The following SLC8A1 variants were observed in gnomAD, a reference collection of about 807,000 sequenced individuals.
SLC8A1 encodes sodium/calcium exchanger 1.
A neutral mutation model predicts 68.3 loss-of-function variants in SLC8A1; 18 were observed. The observed-to-expected ratio is 0.26, with a 90% confidence interval of 0.18 to 0.39. SLC8A1 has a LOEUF of 0.39. Ranked by LOEUF, SLC8A1 falls within the 10% of genes least tolerant of loss-of-function variation. The pLI is 1.00. For missense variants in SLC8A1, 985 were observed against 1,156.7 expected (o/e 0.85, Z 2.15); for synonymous variants, 475 against 415.5 (o/e 1.14, Z -1.74).
intron 7 of SLC8A1, among the ~76,000 whole-genome samples, chr2:40,123,893 C>A (rs1454431745): frequency 6.6e-6 from 1 of 152,200 alleles, no homozygotes; most frequent in Non-Finnish European, 1.5e-5. Context: ...TAAACACAAT[C>A]TAGGGCTGCC....
chr2:40,284,780 C>T (rs2068047895), intron 2 of SLC8A1, among the ~76,000 whole-genome samples: 1 of 151,826 alleles, frequency 6.6e-6, no homozygotes, highest in African/African-American at 2.4e-5. Context: ...GAAATGTCAT[C>T]CGTGCAAACA....
At chr2:40,342,337 G>C (rs1409207041) in intron 2 of SLC8A1, among the ~76,000 whole-genome samples, 3 of 151,938 alleles carry the variant, frequency 2.0e-5, no homozygotes, top group African/African-American at 7.3e-5. Flanking sequence ...AAATGAATAA[G>C]CTATTTGACA....
chr2:40,496,434 A>T (rs1019394450), intron 1 of SLC8A1, among the ~76,000 whole-genome samples: 4 of 152,108 alleles, frequency 2.6e-5, no homozygotes, highest in African/African-American at 9.7e-5. Flanking sequence ...GATCTGAATA[A>T]TGTTGCTAAA....
At chr2:40,332,263 G>A (rs761908486) in intron 2 of SLC8A1, among the ~76,000 whole-genome samples, 2 of 152,166 alleles carry the variant, frequency 1.3e-5, no homozygotes, top group Non-Finnish European at 2.9e-5. Flanking sequence ...GCAATTGGCT[G>A]TTTAGAAAAT....
At chr2:40,221,450 C>A (rs2058320372) in intron 2 of SLC8A1, among the ~76,000 whole-genome samples, 1 of 152,156 alleles carries the variant, frequency 6.6e-6, no homozygotes, top group Non-Finnish European at 1.5e-5. Flanking sequence ...AACCTGGAAG[C>A]ATTCCCTTTG....
chr2:40,285,742 A>C (rs2068200470), intron 2 of SLC8A1, among the ~76,000 whole-genome samples: 1 of 152,138 alleles, frequency 6.6e-6, no homozygotes, highest in Admixed American at 6.6e-5. Context: ...ATTTCTCTTC[A>C]CTAGTCATTC....
At chr2:40,131,349 C>T (rs956520404) in intron 7 of SLC8A1, among the ~76,000 whole-genome samples, 7 of 152,150 alleles carry the variant, frequency 4.6e-5, no homozygotes, top group African/African-American at 9.7e-5. Context: ...AACTGTCAAT[C>T]TATCTGTGAG....
chr2:40,194,937 A>T (rs2052674315), intron 2 of SLC8A1, among the ~76,000 whole-genome samples: 1 of 152,238 alleles, frequency 6.6e-6, no homozygotes, highest in South Asian at 2.1e-4. Flanking sequence ...GAAAATATGG[A>T]AATCTAGATT....
chr2:40,123,568 A>G (rs1228684657), intron 7 of SLC8A1, among the ~76,000 whole-genome samples: 1 of 152,150 alleles, frequency 6.6e-6, no homozygotes, highest in Non-Finnish European at 1.5e-5. Flanking sequence ...TTCTCCTGGC[A>G]TTACATTTGG....
intron 2 of SLC8A1, among the ~76,000 whole-genome samples, chr2:40,287,878 C>T (rs984006679): frequency 6.6e-6 from 1 of 152,116 alleles, no homozygotes; most frequent in African/African-American, 2.4e-5. Context: ...AACCCCAGCT[C>T]TGATCAGGGC....
chr2:40,337,915 T>G (rs770059610), intron 2 of SLC8A1, among the ~76,000 whole-genome samples: 3 of 152,170 alleles, frequency 2.0e-5, no homozygotes, highest in Non-Finnish European at 2.9e-5. Flanking sequence ...TTACTAGTAT[T>G]TAGTTCAAAA....
Position 40,399,270 on chromosome 2 carries a change from G to A in SLC8A1, c.1808+29203C>T, listed in dbSNP as rs551378755. On this transcript the variant is annotated intron_variant, in intron 2 of 7. Transcript: ENST00000406785. ...AACATGCCTTCGGAAAACCAAATAC[G>A]AGATTCACTGACACTGTTTTGTGAG... Among the ~76,000 whole-genome samples, 11 of 152,162 alleles carry A rather than the reference G, an allele frequency of 7.2e-5. No homozygotes were observed. In the East Asian group the frequency reaches 1.4e-3, roughly 19 times the overall value.
At chr2:40,429,701 C>G (rs1697811811) in exon 2 of SLC8A1, 5 of 1,613,736 alleles carry the variant, frequency 3.1e-6, no homozygotes, top group South Asian at 1.1e-5. Flanking sequence ...TTCCTTGTCT[C>G]TCCGTCAGGC....
intron 6 of SLC8A1, among the ~76,000 whole-genome samples, chr2:40,151,206 A>G (rs74883196): frequency 0.033 from 4,998 of 152,256 alleles, 275 homozygotes; most frequent in African/African-American, 0.11. Flanking sequence ...AAGTGATATG[A>G]AGTTTGACAT....
At chr2:40,180,604 C>T (rs1419068307) in intron 2 of SLC8A1, among the ~76,000 whole-genome samples, 1 of 152,216 alleles carries the variant, frequency 6.6e-6, no homozygotes, top group Non-Finnish European at 1.5e-5. Context: ...GATGGCCCAA[C>T]ATCCATTATC....
At chr2:40,457,145 A>T (rs1703069833) in intron 1 of SLC8A1, among the ~76,000 whole-genome samples, 1 of 152,204 alleles carries the variant, frequency 6.6e-6, no homozygotes, top group Non-Finnish European at 1.5e-5. Context: ...TTGTCACATT[A>T]CATTAATTTT....
intron 2 of SLC8A1, among the ~76,000 whole-genome samples, chr2:40,272,994 G>A (rs1250197248): frequency 6.6e-6 from 1 of 152,198 alleles, no homozygotes; most frequent in Non-Finnish European, 1.5e-5. Context: ...CCAGGCTGGA[G>A]TGCATTGGCA....
intron 2 of SLC8A1, among the ~76,000 whole-genome samples, chr2:40,339,131 C>T (rs13413412): frequency 0.2 from 30,045 of 152,122 alleles, 4,350 homozygotes; most frequent in African/African-American, 0.4. Flanking sequence ...ATACCCACTA[C>T]GCGCCTCTGG....
chr2:40,296,880 C>G (rs2070494404), intron 2 of SLC8A1, among the ~76,000 whole-genome samples: 1 of 152,108 alleles, frequency 6.6e-6, no homozygotes, highest in Non-Finnish European at 1.5e-5. Context: ...TTGGATGCAC[C>G]TAGCCAAGGA....
Sources: gnomAD v4.1 joint callset for allele counts (sites outside exome capture counted in the v4.1 genomes callset) on GRCh38, gnomAD v4.1.1 for gene constraint, MANE v1.5 for transcripts, NCBI Gene and HGNC (gene_info 2026-07-23, HGNC 2026-07-21) for gene names.